Variants in XRRA1 observed in about 807,000 individuals in gnomAD.
The protein encoded by XRRA1 is X-ray radiation resistance-associated protein 1.
Under a neutral mutation model 80.2 loss-of-function variants are expected in XRRA1, and 69 were observed. The observed-to-expected ratio is 0.86, with a 90% CI of 0.71 to 1.05. XRRA1 has a LOEUF of 1.05. Among genes scored for constraint, XRRA1 ranks in the 50% least tolerant of loss-of-function variants. The pLI is 0.00. For synonymous variants in XRRA1, 348 were observed against 389.9 expected (o/e 0.89, Z 1.27); for missense variants, 967 against 976.4 (o/e 0.99, Z 0.13).
At chr11:74,899,689 C>T (rs1433681795) in intron 10 of XRRA1, among the ~76,000 whole-genome samples, 1 of 152,098 alleles carries the variant, frequency 6.6e-6, no homozygotes, top group African/African-American at 2.4e-5. Flanking sequence ...ATACAATCTA[C>T]CAAGATTGAA....
At chr11:74,946,369 G>C (rs1485934819) in intron 1 of XRRA1, among the ~76,000 whole-genome samples, 2 of 152,164 alleles carry the variant, frequency 1.3e-5, no homozygotes, top group South Asian at 2.1e-4. Flanking sequence ...GAAGTGATTG[G>C]ATCAAGGAGG....
intron 10 of XRRA1, among the ~76,000 whole-genome samples, chr11:74,883,717 A>G (rs1472263533): frequency 2.6e-5 from 4 of 151,980 alleles, no homozygotes; most frequent in Non-Finnish European, 4.4e-5. Context: ...TGTTCCCCAC[A>G]TGATGCCCCT....
chr11:74,900,986 C>T (rs1355921660), intron 10 of XRRA1, among the ~76,000 whole-genome samples: 4 of 152,070 alleles, frequency 2.6e-5, no homozygotes, highest in East Asian at 1.9e-4. Context: ...TAAAGGGGAT[C>T]CAAACCGGAA....
Position 74,927,480 on chromosome 11 carries a change from G to T in XRRA1, c.433C>A (p.His145Asn). The T allele has an allele frequency of 6.2e-7, 1 of 1,609,048 alleles. No homozygotes were observed. Among genetic ancestry groups the T allele is most frequent in the Non-Finnish European group, 8.5e-7 (1 of 1,175,470 alleles). ...AGTTCCTTTAGGGCTGGAAACGTGTGAAATGCCTCTACATGGGGAAGAGAA... is the reference window on the plus strand; with the variant it reads ...AGTTCCTTTAGGGCTGGAAACGTGTTAAATGCCTCTACATGGGGAAGAGAA... ...SENLLPLEAF[H>N]TFPALKELDL... The change falls in exon 7 of 19, where the codon CAC becomes AAC. Residue 145 changes from histidine to asparagine, a missense_variant. His to Asn is a moderately conservative substitution (Grantham distance 68, BLOSUM62 1). Transcript: ENST00000684022.
chr11:74,900,752 A>T (rs1017066362), intron 10 of XRRA1, among the ~76,000 whole-genome samples: 9 of 152,240 alleles, frequency 5.9e-5, no homozygotes, highest in African/African-American at 1.9e-4. Flanking sequence ...ATATAGTTCA[A>T]CATCCCTTCA....
rs116658745 is a variant in XRRA1, at chr11:74,842,704, A to G, written c.*496T>C. 9.9e-4 allele frequency: 154 copies of G among 155,002 alleles called. 1 individual carries two copies. Among genetic ancestry groups the G allele is most frequent in the African/African-American group, 2.8e-3 (116 of 41,640 alleles). The allele number at this position is 155,002 out of a possible 1,614,324, so 9.6% of individuals were successfully genotyped here. On this transcript the variant is annotated 3_prime_UTR_variant, in exon 19 of 19. Coordinates refer to ENST00000684022, the MANE Select transcript of XRRA1 (RefSeq NM_001378157.1). ...ATGCTCCTAATGAAGGAACCAAGAAAGAGTCTGAGTAAAGAACGAATATAC... is the reference window on the plus strand; with the variant it reads ...ATGCTCCTAATGAAGGAACCAAGAAGGAGTCTGAGTAAAGAACGAATATAC...
At chr11:74,879,633 C>T (rs1178644469) in intron 10 of XRRA1, among the ~76,000 whole-genome samples, 10 of 152,022 alleles carry the variant, frequency 6.6e-5, no homozygotes, top group African/African-American at 1.4e-4. Flanking sequence ...TTTTGAAATA[C>T]GTCCCATCAA....
chr11:74,942,682 A>T (rs1946566754), intron 2 of XRRA1, among the ~76,000 whole-genome samples: 1 of 152,192 alleles, frequency 6.6e-6, no homozygotes, highest in Non-Finnish European at 1.5e-5. Flanking sequence ...TGTGGCCTTG[A>T]GCAAGTTACT....
At chr11:74,943,963 A>G (rs1419536188) in intron 2 of XRRA1, among the ~76,000 whole-genome samples, 1 of 152,002 alleles carries the variant, frequency 6.6e-6, no homozygotes, top group Non-Finnish European at 1.5e-5. Context: ...CTGGGACTAT[A>G]GGCACATGCC....
chr11:74,917,529 A>G (rs1394435797), intron 8 of XRRA1, among the ~76,000 whole-genome samples: 24 of 152,140 alleles, frequency 1.6e-4, no homozygotes, highest in Admixed American at 1.6e-3. Context: ...TCTTCCCAGA[A>G]TCCTCTAGTG....
At chr11:74,861,906 G>A (rs2042386077) in intron 11 of XRRA1, among the ~76,000 whole-genome samples, 1 of 152,188 alleles carries the variant, frequency 6.6e-6, no homozygotes, top group African/African-American at 2.4e-5. Context: ...TGAAGTGAAG[G>A]AAATCTTTTT....
In XRRA1 at chr11:74,949,076, C is replaced by T; in HGVS notation, c.-221G>A. On this transcript the variant is annotated 5_prime_UTR_variant, in exon 1 of 19. Coordinates refer to ENST00000684022, the MANE Select transcript of XRRA1 (RefSeq NM_001378157.1). ...CTTCCCCACGCCTTAGTAACTGCGA[C>T]GCGACGGCAGACAGTGTAGGCGGCA... 2.1e-6 allele frequency: 1 copy of T among 475,866 alleles called. No individual in the cohort carries two copies. Among genetic ancestry groups the T allele is most frequent in the South Asian group, 2.6e-5 (1 of 37,898 alleles). 29.5% of individuals were successfully genotyped at this position (475,866 alleles called of 1,614,324 possible).
chr11:74,861,527 C>T (rs10793105), intron 11 of XRRA1, among the ~76,000 whole-genome samples: 47,737 of 145,092 alleles, frequency 0.33, 7,887 homozygotes, highest in East Asian at 0.54. Flanking sequence ...TCTAATTGCA[C>T]GAAAACAAGC....
chr11:74,883,592 A>C (rs772124522), intron 10 of XRRA1, among the ~76,000 whole-genome samples: 1 of 152,214 alleles, frequency 6.6e-6, no homozygotes, highest in Non-Finnish European at 1.5e-5. Flanking sequence ...TGTAAAATTT[A>C]TCTCTTCTTG....
At chr11:74,866,315 A>G (rs1220407621) in intron 10 of XRRA1, among the ~76,000 whole-genome samples, 2 of 152,160 alleles carry the variant, frequency 1.3e-5, no homozygotes, top group Non-Finnish European at 2.9e-5. Context: ...GTACAGTGAC[A>G]TGAACATTGC....
At chr11:74,904,603 AT>A (rs1168442061) in intron 10 of XRRA1, among the ~76,000 whole-genome samples, 1 of 152,140 alleles carries the variant, frequency 6.6e-6, no homozygotes, top group Non-Finnish European at 1.5e-5. Flanking sequence ...GCATAGGTAA[AT>A]AGAAAACACA....
intron 8 of XRRA1, among the ~76,000 whole-genome samples, chr11:74,916,592 C>G (rs1389470805): frequency 6.6e-6 from 1 of 151,498 alleles, no homozygotes; most frequent in African/African-American, 2.4e-5. Flanking sequence ...TTCATTAGTT[C>G]TTTGAAAACC....
intron 10 of XRRA1, among the ~76,000 whole-genome samples, chr11:74,875,142 A>C (rs1395514135): frequency 6.6e-6 from 1 of 152,220 alleles, no homozygotes; most frequent in Non-Finnish European, 1.5e-5. Context: ...GAAATTAACA[A>C]GTTATTATCC....
At position 74,859,172 on chromosome 11, in the gene XRRA1, G is replaced by T; in HGVS notation, c.1156C>A (p.Leu386Met). ...CAGAAAGTCACCTTGTTGTAGGCCA[G>T]GCTAAGGTATCTCAGCTCTGGGAAG... ...PPFPELRYLS[L>M]AYNKIAKEDA... Residue 386 changes from leucine to methionine, a missense_variant, in exon 12 of 19, where the codon CTG becomes ATG. Transcript: ENST00000684022. 1 of 1,606,666 alleles carries T rather than the reference G, an allele frequency of 6.2e-7. No homozygotes were observed. The highest frequency in any genetic ancestry group is 8.5e-7 in the Non-Finnish European group (1 of 1,177,592).
Sources: allele counts gnomAD v4.1 joint callset (sites outside exome capture counted in the v4.1 genomes callset), GRCh38; gene constraint gnomAD v4.1.1; transcripts MANE v1.5; gene names NCBI Gene and HGNC (gene_info 2026-07-23, HGNC 2026-07-21).